Variants in EFHC2 observed in about 807,000 individuals in gnomAD.
The protein encoded by EFHC2 is EF-hand domain containing 2.
Under a neutral mutation model 52.7 loss-of-function variants are expected in EFHC2, and 18 were observed. That is an observed-to-expected ratio of 0.34 (90% CI 0.24 to 0.51). The LOEUF is 0.51. Ranked by LOEUF, EFHC2 falls within the 20% of genes least tolerant of loss-of-function variation. EFHC2 has a pLI of 0.97. For synonymous variants in EFHC2, 203 were observed against 204.1 expected, an observed-to-expected ratio of 0.99 and a Z score of 0.04; for missense variants, 513 against 562.5, an observed-to-expected ratio of 0.91 and a Z score of 0.89.
At chrX:44,213,082 CAA>C (rs57451313) in intron 11 of EFHC2, among the ~76,000 whole-genome samples, 75 of 59,213 alleles carry the variant, frequency 1.3e-3, no homozygotes, top group African/African-American at 1.6e-3. Context: ...TGCTAAAAGG[CAA>C]AAAAAAAAAA....
chrX:44,167,254 T>A (rs1183558594), intron 13 of EFHC2, among the ~76,000 whole-genome samples: 1 of 112,277 alleles, frequency 8.9e-6, no homozygotes, highest in Non-Finnish European at 1.9e-5. Context: ...GGTCCCTTTG[T>A]CTGGAAAGTC....
intron 8 of EFHC2, among the ~76,000 whole-genome samples, chrX:44,241,668 A>C (rs1312060966): frequency 8.9e-6 from 1 of 112,594 alleles, no homozygotes; most frequent in Non-Finnish European, 1.9e-5. Context: ...CCATAAAAAA[A>C]GTCTTATTGG....
At chrX:44,206,887 G>C (rs2037052638) in intron 11 of EFHC2, among the ~76,000 whole-genome samples, 1 of 111,156 alleles carries the variant, frequency 9.0e-6, no homozygotes, top group East Asian at 2.8e-4. Context: ...AACCAAAAAA[G>C]AGCCTCAAAA....
chrX:44,176,419 C>A (rs932632330), intron 12 of EFHC2, 35 bp from the exon 13 acceptor site: 2 of 933,654 alleles, frequency 2.1e-6, no homozygotes, highest in African/African-American at 2.0e-5. Flanking sequence ...CTTTTATATA[C>A]CTTGTATACC....
intron 2 of EFHC2, among the ~76,000 whole-genome samples, chrX:44,299,449 C>T (rs2037852882): frequency 8.9e-6 from 1 of 111,845 alleles, no homozygotes; most frequent in Non-Finnish European, 1.9e-5. Flanking sequence ...TATCATAACC[C>T]AGACATTCCT....
chrX:44,235,301 T>C lies in EFHC2; in HGVS notation c.1423+4A>G. ...GAAAATACTGTGAAGAGTATATCTC[T>C]TACCTGAATTCCTCTCTATAGGTTC... On this transcript the variant is annotated splice_donor_region_variant and intron_variant, in intron 9 of 14. Coordinates refer to ENST00000420999, the MANE Select transcript of EFHC2 (RefSeq NM_025184.4). 1 of 1,163,045 alleles carries C rather than the reference T, an allele frequency of 8.6e-7. No individual in the cohort carries two copies. Among genetic ancestry groups the C allele is most frequent in the East Asian group, 3.1e-5 (1 of 32,334 alleles).
At chrX:44,180,084 C>G (rs1448935208) in intron 11 of EFHC2, among the ~76,000 whole-genome samples, 1 of 111,768 alleles carries the variant, frequency 8.9e-6, no homozygotes, top group Non-Finnish European at 1.9e-5. Context: ...TAGTCTGGCT[C>G]TAAAGCTCAT....
chrX:44,339,494 G>T (rs1003212429), intron 1 of EFHC2, among the ~76,000 whole-genome samples: 28 of 110,780 alleles, frequency 2.5e-4, no homozygotes, highest in African/African-American at 8.9e-4. Flanking sequence ...AGGTACAAAT[G>T]TTCATATTTT....
chrX:44,184,676 T>C (rs2036860172), intron 11 of EFHC2, among the ~76,000 whole-genome samples: 1 of 104,897 alleles, frequency 9.5e-6, no homozygotes, highest in Non-Finnish European at 1.9e-5. Context: ...TGAGCTGAGA[T>C]TGCGCCATTG....
At chrX:44,190,702 GA>G (rs11435008) in intron 11 of EFHC2, among the ~76,000 whole-genome samples, 5 of 106,651 alleles carry the variant, frequency 4.7e-5, no homozygotes, top group Non-Finnish European at 7.7e-5. Context: ...TGTTGATGGG[GA>G]AAAAAAAATG....
At position 44,272,986 on chromosome X, in the gene EFHC2, G is replaced by T. The variant is rs1193170326; in HGVS notation, c.232-150C>A. The stretch of plus-strand genomic sequence containing the variant: ...AACTCATTCTACACATCAGCCATGC[G>T]AATGGATATACAATCTAAGATACAA... On this transcript the variant is annotated intron_variant, in intron 2 of 14. Coordinates refer to ENST00000420999, the MANE Select transcript of EFHC2 (RefSeq NM_025184.4). 3 of 444,665 alleles carry T rather than the reference G, an allele frequency of 6.7e-6. No individual in the cohort carries two copies. In the African/African-American group the frequency reaches 7.4e-5, roughly 11 times the overall value. 36.6% of individuals were successfully genotyped at this position (444,665 alleles called of 1,213,427 possible).
intron 1 of EFHC2, among the ~76,000 whole-genome samples, chrX:44,338,246 G>T (rs2038128225): frequency 9.0e-6 from 1 of 111,636 alleles, no homozygotes; most frequent in South Asian, 3.7e-4. Flanking sequence ...AAGGGTGAGA[G>T]ATGAGATCTG....
chrX:44,328,944 G>T (rs954674357), intron 1 of EFHC2, among the ~76,000 whole-genome samples: 14 of 111,385 alleles, frequency 1.3e-4, no homozygotes, highest in Non-Finnish European at 2.3e-4. Context: ...GCCCGCTCCC[G>T]GACTGTGGAG....
chrX:44,247,005 C>T (rs1332090684), intron 7 of EFHC2, among the ~76,000 whole-genome samples: 3 of 111,985 alleles, frequency 2.7e-5, no homozygotes, highest in African/African-American at 9.7e-5. Context: ...CTAGGGGCCA[C>T]CAGCAGCTTC....
chrX:44,212,866 C>A (rs891479899), intron 11 of EFHC2, among the ~76,000 whole-genome samples: 4 of 109,483 alleles, frequency 3.7e-5, no homozygotes, highest in Non-Finnish European at 7.6e-5. Context: ...CATGAGCCAC[C>A]ATGCCAGGCT....
At chrX:44,283,778 G>A (rs1257711840) in intron 2 of EFHC2, 1 of 107,715 alleles carries the variant, frequency 9.3e-6, no homozygotes, top group Non-Finnish European at 1.9e-5. Flanking sequence ...GCCATACCAG[G>A]CCTGGATCCT....
chrX:44,151,459 A>G (rs2036569805), intron 14 of EFHC2, among the ~76,000 whole-genome samples: 1 of 111,485 alleles, frequency 9.0e-6, no homozygotes. Context: ...CTAAGGAAGA[A>G]TTTATTCCAT....
At chrX:44,312,828 G>T in intron 1 of EFHC2, 72 bp from the exon 2 acceptor site, 1 of 977,261 alleles carries the variant, frequency 1.0e-6, no homozygotes, top group Non-Finnish European at 1.3e-6. Context: ...TTTGTAAAAT[G>T]TCAACACATT....
At chrX:44,198,954 T>C (rs781030450) in intron 11 of EFHC2, among the ~76,000 whole-genome samples, 1 of 112,512 alleles carries the variant, frequency 8.9e-6, no homozygotes, top group South Asian at 3.7e-4. Flanking sequence ...AAAAAATAAG[T>C]TATCTGATAG....
Sources: allele counts gnomAD v4.1 joint callset (sites outside exome capture counted in the v4.1 genomes callset), GRCh38; gene constraint gnomAD v4.1.1; transcripts MANE v1.5; gene names NCBI Gene and HGNC (gene_info 2026-07-23, HGNC 2026-07-21).